Variants in WWP2 observed in about 807,000 individuals in gnomAD.
WWP2 encodes the protein NEDD4-like E3 ubiquitin-protein ligase WWP2.
A neutral mutation model predicts 121.0 loss-of-function variants in WWP2; 57 were observed. The ratio of observed to expected loss-of-function variants is 0.47; its 90% CI spans 0.38 to 0.59. WWP2 has a LOEUF of 0.59. WWP2 is among the 20% of genes least tolerant of loss of function. The probability of loss-of-function intolerance (pLI) is 0.00; values close to 1 mark genes in which losing one functional copy is unlikely to be tolerated. For missense variants in WWP2, 962 were observed against 1,158.9 expected (o/e 0.83, Z 2.47); for synonymous variants, 449 against 441.3 (o/e 1.02, Z -0.22).
intron 5 of WWP2, 59 bp from the exon 6 acceptor site, chr16:69,841,965 C>A: frequency 6.5e-7 from 1 of 1,538,866 alleles, no homozygotes; most frequent in South Asian, 1.2e-5. Context: ...CGTCAAATCT[C>A]AAACACGAGT....
intron 4 of WWP2, among the ~76,000 whole-genome samples, chr16:69,827,109 A>G (rs1459832608): frequency 6.6e-6 from 1 of 151,722 alleles, no homozygotes; most frequent in Non-Finnish European, 1.5e-5. Context: ...TCACTTGTTG[A>G]CACTCCTGCA....
chr16:69,858,913 T>C (rs1439856859), intron 6 of WWP2, among the ~76,000 whole-genome samples: 2 of 152,172 alleles, frequency 1.3e-5, no homozygotes, highest in East Asian at 3.8e-4. Flanking sequence ...TCCTTCGACA[T>C]GGGCACTGGA....
intron 11 of WWP2, among the ~76,000 whole-genome samples, chr16:69,928,370 T>C (rs1567438443): frequency 6.6e-6 from 1 of 152,170 alleles, no homozygotes; most frequent in Admixed American, 6.5e-5. Flanking sequence ...GTTTTTTTTT[T>C]CTCCTGTCTA....
At position 69,799,077 on chromosome 16, in the gene WWP2, C is replaced by T; in HGVS notation, c.219-97C>T. ...TGTGGGTGTCTGCCTGTTTTGGTTCCCCCTCCCCAAGATGTCAGCAGTTTA... is the reference window on the plus strand; with the variant it reads ...TGTGGGTGTCTGCCTGTTTTGGTTCTCCCTCCCCAAGATGTCAGCAGTTTA... On this transcript the variant is annotated intron_variant, in intron 3 of 23. Transcript: ENST00000359154. The surrounding 1 kb of genome is among the most constrained non-coding windows in gnomAD (Gnocchi z 4.5). 1 of 1,526,306 alleles carries T rather than the reference C, an allele frequency of 6.6e-7. No individual in the cohort carries two copies. The highest frequency in any genetic ancestry group is 8.8e-7 in the Non-Finnish European group (1 of 1,136,150). 94.5% of individuals were successfully genotyped at this position (1,526,306 alleles called of 1,614,324 possible).
chr16:69,929,554 G>A (rs200698191), intron 12 of WWP2, 25 bp downstream of exon 12: 2 of 1,608,332 alleles, frequency 1.2e-6, no homozygotes, highest in East Asian at 4.5e-5. Context: ...TGAGAGGGGG[G>A]CCGGGCTGGG....
intron 7 of WWP2, among the ~76,000 whole-genome samples, chr16:69,873,031 G>C (rs189450156): frequency 3.3e-5 from 5 of 152,186 alleles, no homozygotes; most frequent in African/African-American, 9.7e-5. Flanking sequence ...TAGATGTTTC[G>C]CTTGGATGAA....
At chr16:69,763,495 G>C (rs2038662123) in intron 1 of WWP2, among the ~76,000 whole-genome samples, 1 of 152,220 alleles carries the variant, frequency 6.6e-6, no homozygotes, top group Non-Finnish European at 1.5e-5. Context: ...AGCCAGCATC[G>C]TTTTGGGTTA....
rs116793006 is a variant in WWP2 at position 69,773,187 on chromosome 16, T to C, written c.-16+10796T>C. On this transcript the variant is annotated intron_variant, in intron 1 of 23. Coordinates refer to ENST00000359154, the MANE Select transcript of WWP2 (RefSeq NM_001270454.2). Reference sequence around the variant, plus strand: ...GTTCCTACCGATACACGTTGCTCCTTTTTTTTTTTTGAGATGACTCTCATG... The same window carrying C: ...GTTCCTACCGATACACGTTGCTCCTCTTTTTTTTTTGAGATGACTCTCATG... Among the ~76,000 whole-genome samples the C allele has an allele frequency of 8.8e-3, 1,305 of 148,126 alleles. 19 individuals carry two copies. Among genetic ancestry groups the C allele is most frequent in the African/African-American group, 0.031 (1,253 of 40,350 alleles).
intron 1 of WWP2, among the ~76,000 whole-genome samples, chr16:69,775,503 G>A (rs923423480): frequency 2.6e-5 from 4 of 152,126 alleles, no homozygotes; most frequent in Non-Finnish European, 5.9e-5. Flanking sequence ...AGCATTTTCT[G>A]TTGACTCTTA....
intron 7 of WWP2, among the ~76,000 whole-genome samples, chr16:69,881,112 G>GCCATGCAA (rs2057820908): frequency 6.6e-6 from 1 of 152,112 alleles, no homozygotes; most frequent in African/African-American, 2.4e-5. Context: ...GAAAGCAGAG[G>GCCATGCAA]CCATGCAACT....
intron 4 of WWP2, among the ~76,000 whole-genome samples, chr16:69,826,604 G>A (rs1399533594): frequency 2.7e-5 from 4 of 149,406 alleles, no homozygotes; most frequent in African/African-American, 9.9e-5. Context: ...GTGGAGCCGG[G>A]CACGGTGGCT....
In WWP2 at chr16:69,925,019, T is replaced by G. The variant is rs1192897284; in HGVS notation, c.1180-411T>G. 1.0e-6 allele frequency: 1 copy of G among 995,948 alleles called. No homozygotes were observed. Among genetic ancestry groups the G allele is most frequent in the Non-Finnish European group, 1.2e-6 (1 of 837,200 alleles). The allele number at this position is 995,948 out of a possible 1,614,324, so 61.7% of individuals were successfully genotyped here. On this transcript the variant is annotated intron_variant, in intron 10 of 23. Coordinates refer to ENST00000359154, the MANE Select transcript of WWP2 (RefSeq NM_001270454.2). This position sits in a 1 kb window ranked among gnomAD's most constrained non-coding sequence, Gnocchi z 4.0. ...TCCTGCGTGTGGTTCTTGGAGAAAG[T>G]TGGAGGTGGTGGTGATTTCAGTCGC...
At chr16:69,770,666 G>T (rs1358248587) in intron 1 of WWP2, among the ~76,000 whole-genome samples, 1 of 152,176 alleles carries the variant, frequency 6.6e-6, no homozygotes, top group Non-Finnish European at 1.5e-5. Context: ...CCTGGAGCTT[G>T]CAATTGATGT....
chr16:69,796,832 CT>C (rs2056057385), intron 2 of WWP2, among the ~76,000 whole-genome samples: 1 of 152,192 alleles, frequency 6.6e-6, no homozygotes. Flanking sequence ...GATTTTTTAT[CT>C]GTTGTCTTCC....
At chr16:69,862,398 T>C (rs1438945616) in intron 6 of WWP2, among the ~76,000 whole-genome samples, 3 of 151,880 alleles carry the variant, frequency 2.0e-5, no homozygotes, top group African/African-American at 7.3e-5. Flanking sequence ...AGTCTCGCTG[T>C]GTCACCTAGG....
intron 7 of WWP2, 124 bp downstream of exon 7, chr16:69,872,055 A>G: frequency 1.4e-6 from 2 of 1,396,066 alleles, no homozygotes; most frequent in Non-Finnish European, 1.9e-6. Flanking sequence ...CTCTAGGACT[A>G]AACTGGATTT....
At chr16:69,922,467 C>T (rs780052601) in intron 10 of WWP2, among the ~76,000 whole-genome samples, 31 of 152,196 alleles carry the variant, frequency 2.0e-4, no homozygotes, top group Admixed American at 3.9e-4. Context: ...GACCATTACC[C>T]GGGAAGAGGA....
At chr16:69,792,983 C>T (rs975915487) in intron 2 of WWP2, among the ~76,000 whole-genome samples, 11 of 152,148 alleles carry the variant, frequency 7.2e-5, no homozygotes, top group Non-Finnish European at 1.3e-4. Context: ...AGCCACTGTG[C>T]CTGGCCTTTA....
chr16:69,920,777 C>A (rs943263720), intron 10 of WWP2, among the ~76,000 whole-genome samples: 3 of 152,038 alleles, frequency 2.0e-5, no homozygotes, highest in African/African-American at 7.2e-5. Context: ...ACAGTAAGAT[C>A]CTGTCTCAAT....
Sources: allele counts gnomAD v4.1 joint callset (sites outside exome capture counted in the v4.1 genomes callset), GRCh38; gene constraint gnomAD v4.1.1; non-coding constraint Gnocchi (gnomAD v3.1); transcripts MANE v1.5; gene names NCBI Gene and HGNC (gene_info 2026-07-23, HGNC 2026-07-21).